Variants in RAP1GAP2 observed in about 807,000 individuals in gnomAD.
The protein encoded by RAP1GAP2 is RAP1 GTPase activating protein 2, also known as rap1 GTPase-activating protein 2.
In RAP1GAP2, 27 loss-of-function variants were observed where a neutral mutation model predicts 95.0. That is an observed-to-expected ratio of 0.28 (90% confidence interval 0.21 to 0.39). The LOEUF (loss-of-function observed/expected upper bound fraction) is 0.39. RAP1GAP2 is among the 10% of genes least tolerant of loss of function. The probability of loss-of-function intolerance (pLI) is 1.00; values close to 1 mark genes in which losing one functional copy is unlikely to be tolerated. For synonymous variants in RAP1GAP2, 373 were observed against 380.9 expected (o/e 0.98, Z 0.24); for missense variants, 771 against 970.0 (o/e 0.79, Z 2.72).
chr17:3,007,355 A>G (rs530583995), intron 16 of RAP1GAP2, among the ~76,000 whole-genome samples: 1 of 152,316 alleles, frequency 6.6e-6, no homozygotes, highest in South Asian at 2.1e-4. Context: ...TTGCAGGGCA[A>G]GAGGTGCAGG....
rs2042052942 is a variant in RAP1GAP2, at chr17:2,902,366, G to A, written c.81-2918G>A. On this transcript the variant is annotated intron_variant, in intron 2 of 24. Transcript: ENST00000254695. This position sits in a 1 kb window ranked among gnomAD's most constrained non-coding sequence, Gnocchi z 4.1. ...CAAGTAGCTCGGATGACAGGCACACGCCACCATGCCTGGCTAATTTTTGTA... is the reference window on the plus strand; with the variant it reads ...CAAGTAGCTCGGATGACAGGCACACACCACCATGCCTGGCTAATTTTTGTA... 6.6e-6 allele frequency among the ~76,000 whole-genome samples: 1 copy of A among 152,148 alleles called. No homozygotes were observed. Among genetic ancestry groups the A allele is most frequent in the Non-Finnish European group, 1.5e-5 (1 of 68,026 alleles).
At chr17:2,980,460 C>T (rs2045315966) in intron 9 of RAP1GAP2, 95 bp downstream of exon 9, 5 of 1,296,920 alleles carry the variant, frequency 3.9e-6, no homozygotes, top group Non-Finnish European at 5.5e-6. Flanking sequence ...GTAGGCTCAG[C>T]CCTTAGAGAA....
chr17:2,917,420 G>A (rs2042607493), intron 3 of RAP1GAP2, among the ~76,000 whole-genome samples: 3 of 152,002 alleles, frequency 2.0e-5, no homozygotes, highest in Admixed American at 1.3e-4. Context: ...ACAGGCATGC[G>A]CCACCACGCC....
Position 2,903,486 on chromosome 17 carries a change from TTG to T in RAP1GAP2, c.81-1787_81-1786del, listed in dbSNP as rs1251956749. Among the ~76,000 whole-genome samples, 1 of 152,208 alleles carries T rather than the reference TTG, an allele frequency of 6.6e-6. No homozygotes were observed. The highest frequency in any genetic ancestry group is 3.4e-3 in the Middle Eastern group (1 of 294). ...AGGTAGCAGGAGCTGGTGCCTGCTT[TTG>T]TGTGTGTGTGAGAGTGTGTGCACAC... On this transcript the variant is annotated intron_variant, in intron 2 of 24. Coordinates refer to ENST00000254695, the MANE Select transcript of RAP1GAP2 (RefSeq NM_015085.5). This position sits in a 1 kb window ranked among gnomAD's most constrained non-coding sequence, Gnocchi z 4.1.
chr17:2,812,646 T>G (rs2069821893), intron 2 of RAP1GAP2, among the ~76,000 whole-genome samples: 1 of 152,004 alleles, frequency 6.6e-6, no homozygotes, highest in African/African-American at 2.4e-5. Context: ...CCCAGGACGG[T>G]GGTTCTCAAA....
upstream of RAP1GAP2, among the ~76,000 whole-genome samples, chr17:2,776,286 C>G (rs1295741439): frequency 2.0e-5 from 3 of 152,242 alleles, no homozygotes; most frequent in East Asian, 5.8e-4. Flanking sequence ...TCCCGCGCAA[C>G]GCAGAGCTAG....
At chr17:2,776,590 C>T (rs1193095954), upstream of RAP1GAP2, among the ~76,000 whole-genome samples, 1 of 151,942 alleles carries the variant, frequency 6.6e-6, no homozygotes, top group African/African-American at 2.4e-5. Flanking sequence ...GATCCGCAGG[C>T]AGCGGCACAG....
intron 10 of RAP1GAP2, among the ~76,000 whole-genome samples, chr17:2,983,816 TA>T (rs2045461187): frequency 6.6e-6 from 1 of 152,222 alleles, no homozygotes; most frequent in Non-Finnish European, 1.5e-5. Context: ...CCCTCCTTTT[TA>T]TTGCTGAGGT....
chr17:2,915,532 G>A (rs2042542855), intron 3 of RAP1GAP2, among the ~76,000 whole-genome samples: 1 of 152,178 alleles, frequency 6.6e-6, no homozygotes. Context: ...AACGCGCCTG[G>A]CCCATTTCTT....
intron 3 of RAP1GAP2, among the ~76,000 whole-genome samples, chr17:2,927,789 CTAGCCGGCCCACCGCA>C (rs2043017479): frequency 2.0e-5 from 3 of 152,294 alleles, no homozygotes; most frequent in South Asian, 4.1e-4. Context: ...AGAGGAAACG[CTAGCCGGCCCACCGCA>C]TAGCGGGCCT....
At chr17:2,829,834 T>TA (rs2070751696) in intron 2 of RAP1GAP2, among the ~76,000 whole-genome samples, 1 of 151,078 alleles carries the variant, frequency 6.6e-6, no homozygotes, top group Non-Finnish European at 1.5e-5. Context: ...TTTTTTTTTT[T>TA]TGAGATGAGA....
Position 3,030,943 on chromosome 17 carries a change from C to A in RAP1GAP2, c.2129C>A (p.Pro710Gln), listed in dbSNP as rs754983165. The part of the protein sequence containing the change: ...SPTDAKSRNS[P>Q]RSNLKFRFDK... ...TTAGATGCCAAAAGCAGAAACTCCC[C>A]GAGATCGAACCTGAAATTCCGCTTT... The change falls in exon 23 of 25, where the codon CCG becomes CAG. Residue 710 changes from proline (P) to glutamine (Q), a missense_variant. Coordinates refer to ENST00000254695, the MANE Select transcript of RAP1GAP2 (RefSeq NM_015085.5). 6 of 1,611,032 alleles carry A rather than the reference C, an allele frequency of 3.7e-6. No individual in the cohort carries two copies. In the African/African-American group the frequency reaches 4.0e-5, roughly 11 times the overall value.
chr17:3,020,251 T>G (rs3816273), intron 18 of RAP1GAP2, among the ~76,000 whole-genome samples: 139,735 of 152,292 alleles, frequency 0.92, 64,248 homozygotes, highest in Non-Finnish European at 0.95. Context: ...TGGTGGATCA[T>G]GACCTGGGAC....
intron 3 of RAP1GAP2, among the ~76,000 whole-genome samples, chr17:2,941,035 C>A (rs927653497): frequency 1.3e-5 from 2 of 152,132 alleles, no homozygotes; most frequent in Non-Finnish European, 2.9e-5. Flanking sequence ...CTCTCTGGAC[C>A]CTGGCAGGGT....
intron 1 of RAP1GAP2, among the ~76,000 whole-genome samples, chr17:2,761,545 C>T (rs1192799876): frequency 1.3e-5 from 2 of 152,076 alleles, no homozygotes; most frequent in African/African-American, 4.8e-5. Context: ...GCCTCGGCCT[C>T]CCAACGTGCT....
intron 9 of RAP1GAP2, among the ~76,000 whole-genome samples, chr17:2,980,749 G>A (rs933253049): frequency 4.6e-5 from 7 of 152,166 alleles, no homozygotes; most frequent in African/African-American, 1.7e-4. Flanking sequence ...CAGAGGAAAG[G>A]GCTGAGTTGG....
chr17:2,834,731 A>G (rs1340391615), intron 2 of RAP1GAP2, among the ~76,000 whole-genome samples: 2 of 151,978 alleles, frequency 1.3e-5, no homozygotes, highest in African/African-American at 4.8e-5. Flanking sequence ...CACGAGGTTG[A>G]GGCTGTAGGG....
intron 3 of RAP1GAP2, among the ~76,000 whole-genome samples, chr17:2,957,501 C>T (rs1597719166): frequency 6.6e-6 from 1 of 152,360 alleles, no homozygotes; most frequent in African/African-American, 2.4e-5. Flanking sequence ...CTTTCCTTGA[C>T]AGAGGCTGAG....
chr17:2,900,546 A>G (rs2041994505), intron 2 of RAP1GAP2, among the ~76,000 whole-genome samples: 1 of 151,814 alleles, frequency 6.6e-6, no homozygotes, highest in African/African-American at 2.4e-5. Flanking sequence ...GGTTCAAGCG[A>G]TTCTCCTGCC....
Sources: allele counts gnomAD v4.1 joint callset (sites outside exome capture counted in the v4.1 genomes callset), GRCh38; gene constraint gnomAD v4.1.1; non-coding constraint Gnocchi (gnomAD v3.1); transcripts MANE v1.5; gene names NCBI Gene and HGNC (gene_info 2026-07-23, HGNC 2026-07-21).